ZNF619: variants seen among roughly 807,000 people sequenced by gnomAD.
ZNF619 encodes zinc finger protein 619.
A neutral mutation model predicts 14.2 loss-of-function variants in ZNF619; 9 were observed. The ratio of observed to expected loss-of-function variants is 0.64; its 90% CI spans 0.38 to 1.11. The LOEUF (loss-of-function observed/expected upper bound fraction) is 1.11, where lower values mean the gene tolerates loss of function less well. Ranked by LOEUF, ZNF619 falls within the 50% of genes least tolerant of loss-of-function variation. The probability of loss-of-function intolerance (pLI) is 0.01; values close to 1 mark genes in which losing one functional copy is unlikely to be tolerated. For synonymous variants in ZNF619, 246 were observed against 252.8 expected (o/e 0.97, Z 0.26); for missense variants, 659 against 680.1 (o/e 0.97, Z 0.34).
intron 2 of ZNF619, among the ~76,000 whole-genome samples, chr3:40,481,442 CT>C (rs774950627): frequency 2.6e-5 from 4 of 152,114 alleles, no homozygotes; most frequent in Non-Finnish European, 5.9e-5. Context: ...GAACTTTATC[CT>C]CATGAAATCA....
At chr3:40,486,372 G>T (rs1480088112) in intron 4 of ZNF619, among the ~76,000 whole-genome samples, 1 of 152,166 alleles carries the variant, frequency 6.6e-6, no homozygotes, top group African/African-American at 2.4e-5. Context: ...GGTACCATCA[G>T]ATGGCTGTGT....
rs1697771564 is a variant in ZNF619, at chr3:40,490,407, T to C, written c.*2166T>C. On this transcript the variant is annotated 3_prime_UTR_variant, in exon 5 of 5. Coordinates refer to ENST00000432264, the MANE Select transcript of ZNF619 (RefSeq NM_001145093.4). Reference sequence around the variant, plus strand: ...CTGGAAGATCAGGTCAGACAAAGCCTGTATTATCTAATGGAGCATTAAGGG... The same window carrying C: ...CTGGAAGATCAGGTCAGACAAAGCCCGTATTATCTAATGGAGCATTAAGGG... Among the ~76,000 whole-genome samples the C allele has an allele frequency of 7.2e-5, 11 of 152,180 alleles. No homozygotes were observed. Among genetic ancestry groups the C allele is most frequent in the Admixed American group, 7.2e-4 (11 of 15,278 alleles).
intron 4 of ZNF619, chr3:40,483,780 C>T: frequency 2.9e-6 from 1 of 350,278 alleles, no homozygotes; most frequent in South Asian, 2.1e-5. Flanking sequence ...AGGCATGTGT[C>T]ACCACACCCA....
At position 40,482,796 on chromosome 3, in the gene ZNF619, G is replaced by T. The variant is rs1348788292; in HGVS notation, c.295+92G>T. The stretch of plus-strand genomic sequence containing the variant: ...TGAAAAAGGTTTTTCCTTGTCATAT[G>T]ATGGTTGTGGGGATTAAAATAGTCA... On this transcript the variant is annotated intron_variant, in intron 4 of 4. Coordinates refer to ENST00000432264, the MANE Select transcript of ZNF619 (RefSeq NM_001145093.4). 3.2e-6 allele frequency: 3 copies of T among 942,778 alleles called. No individual in the cohort carries two copies. In the African/African-American group the frequency reaches 4.9e-5, roughly 16 times the overall value. The allele number at this position is 942,778 out of a possible 1,614,324, so 58.4% of individuals were successfully genotyped here.
intron 2 of ZNF619, 100 bp downstream of exon 2, chr3:40,478,103 C>A: frequency 8.8e-7 from 1 of 1,134,682 alleles, no homozygotes; most frequent in Non-Finnish European, 1.3e-6. Flanking sequence ...CTTAGTTTTA[C>A]ATCCTTCAAT....
At chr3:40,485,375 C>T (rs1697546882) in intron 4 of ZNF619, among the ~76,000 whole-genome samples, 1 of 150,712 alleles carries the variant, frequency 6.6e-6, no homozygotes, top group African/African-American at 2.5e-5. Flanking sequence ...AATGTTGGCT[C>T]ACTGCAATCT....
At chr3:40,481,374 A>G (rs1457793311) in intron 2 of ZNF619, among the ~76,000 whole-genome samples, 2 of 152,216 alleles carry the variant, frequency 1.3e-5, no homozygotes, top group Non-Finnish European at 2.9e-5. Flanking sequence ...AGGGAGAACT[A>G]TTAATAGCTT....
intron 3 of ZNF619, chr3:40,482,337 C>T (rs1208976650): frequency 5.1e-6 from 8 of 1,554,576 alleles, no homozygotes; most frequent in Non-Finnish European, 4.4e-6. Context: ...GATCTTGGCC[C>T]TATTGCCTAT....
At position 40,487,510 on chromosome 3, in the gene ZNF619, C is replaced by A. The variant is rs780818740; in HGVS notation, c.1000C>A (p.His334Asn). 1 of 1,614,142 alleles carries A rather than the reference C, an allele frequency of 6.2e-7. No homozygotes were observed. Among genetic ancestry groups the A allele is most frequent in the Non-Finnish European group, 8.5e-7 (1 of 1,180,006 alleles). ...AFSCSYDCIIHERIHNGEKPY... is the reference protein window; with the variant it reads ...AFSCSYDCIINERIHNGEKPY... ...CAGTTGTAGCTATGACTGCATCATC[C>A]ATGAACGAATTCACAATGGGGAGAA... The change falls in exon 5 of 5, where the codon CAT (histidine) becomes AAT (asparagine). Residue 334 changes from histidine (H) to asparagine (N), a missense_variant. His to Asn is a moderately conservative substitution (Grantham distance 68). Coordinates refer to ENST00000432264, the MANE Select transcript of ZNF619 (RefSeq NM_001145093.4).
At chr3:40,478,347 C>T (rs1575260697) in intron 2 of ZNF619, among the ~76,000 whole-genome samples, 2 of 152,116 alleles carry the variant, frequency 1.3e-5, no homozygotes, top group African/African-American at 2.4e-5. Context: ...TACATTTTTA[C>T]AAGATCTGGA....
In ZNF619 at chr3:40,488,003, G is replaced by C; in HGVS notation, c.1493G>C (p.Cys498Ser). 1 of 1,614,110 alleles carries C rather than the reference G, an allele frequency of 6.2e-7. No homozygotes were observed. The change falls in exon 5 of 5, where the codon TGC (cysteine) becomes TCC (serine). Residue 498 changes from cysteine (C) to serine (S), a missense_variant. Physicochemically the swap from Cys to Ser is moderately radical, Grantham distance 112 (BLOSUM62 -1). Transcript: ENST00000432264. ...GLSAVKPYCP[C>S]AILSPLPPQH... ...TCCGCAGTTAAGCCCTACTGTCCCT[G>C]CGCCATCCTCTCTCCTCTGCCTCCC...
chr3:40,486,980 T>C lies in ZNF619; in HGVS notation c.470T>C (p.Ile157Thr). The C allele has an allele frequency of 2.5e-6, 4 of 1,614,044 alleles. No homozygotes were observed. Among genetic ancestry groups the C allele is most frequent in the Non-Finnish European group, 3.4e-6 (4 of 1,180,008 alleles). Residue 157 changes from isoleucine to threonine, a missense_variant, in exon 5 of 5, where the codon ATA becomes ACA. Transcript: ENST00000432264. ...CATGATACAGGGAATAAAACAAAGATAGGGGATTGCACAGATTTGACAGTC... is the reference window on the plus strand; with the variant it reads ...CATGATACAGGGAATAAAACAAAGACAGGGGATTGCACAGATTTGACAGTC... ...QLHDTGNKTK[I>T]GDCTDLTVQD...
chr3:40,482,565 T>C (rs1697441066), intron 3 of ZNF619, 23 bp from the exon 4 acceptor site: 1 of 1,609,790 alleles, frequency 6.2e-7, no homozygotes, highest in Non-Finnish European at 8.5e-7. Context: ...CTCAGCTTCA[T>C]GTTCCTTTTC....
At chr3:40,483,747 A>C in intron 4 of ZNF619, 2 of 372,460 alleles carry the variant, frequency 5.4e-6, no homozygotes, top group South Asian at 1.9e-5. Context: ...TCCTGCCTCA[A>C]CCTCCCAAGT....
In ZNF619 at chr3:40,482,606, A is replaced by G. The variant is rs975719982; in HGVS notation, c.197A>G (p.Lys66Arg). The change falls in exon 4 of 5, where the codon AAA becomes AGA. Residue 66 changes from lysine (K) to arginine (R), a missense_variant. Physicochemically the swap from Lys to Arg is conservative, Grantham distance 26. Transcript: ENST00000432264. Reference protein sequence around the residue: ...VTSLSAFPFPKPDLIFQLEQG... With the variant: ...VTSLSAFPFPRPDLIFQLEQG... ...CCTGTAGCAGCATTTCCATTCCCCA[A>G]ACCAGATCTGATATTCCAGCTGGAG... 2.5e-6 allele frequency: 4 copies of G among 1,613,852 alleles called. No individual in the cohort carries two copies. The highest frequency in any genetic ancestry group is 1.3e-5 in the African/African-American group (1 of 74,852).
rs773252909 is a variant in ZNF619 at position 40,487,574 on chromosome 3, C to T, written c.1064C>T (p.Ser355Phe). The T allele has an allele frequency of 5.6e-6, 9 of 1,612,464 alleles. No homozygotes were observed. Among genetic ancestry groups the T allele is most frequent in the Non-Finnish European group, 6.8e-6 (8 of 1,179,608 alleles). Reference protein sequence around the residue: ...ECKECGKSLSSNSVLIQHQRI... With the variant: ...ECKECGKSLSFNSVLIQHQRI... ...AAGGAGTGTGGGAAGAGTTTGAGTT[C>T]TAATTCAGTTCTGATTCAGCATCAG... The change falls in exon 5 of 5, where the codon TCT becomes TTT. Residue 355 changes from serine to phenylalanine, a missense_variant. Coordinates refer to ENST00000432264, the MANE Select transcript of ZNF619 (RefSeq NM_001145093.4).
intron 2 of ZNF619, among the ~76,000 whole-genome samples, chr3:40,480,482 A>G (rs4571217): frequency 0.27 from 40,036 of 150,264 alleles, 5,884 homozygotes; most frequent in East Asian, 0.47. Context: ...AATCTTTACA[A>G]TGATGACTGC....
At chr3:40,482,403 C>T in intron 3 of ZNF619, 185 bp from the exon 4 acceptor site, 3 of 1,596,256 alleles carry the variant, frequency 1.9e-6, no homozygotes, top group Non-Finnish European at 2.6e-6. Flanking sequence ...TGGGAGCATT[C>T]TGTCCTCTTA....
chr3:40,485,329 T>C (rs2125641360), intron 4 of ZNF619, among the ~76,000 whole-genome samples: 1 of 144,256 alleles, frequency 6.9e-6, no homozygotes, highest in East Asian at 2.1e-4. Context: ...GGAAACAGAG[T>C]CTTGGTCTAT....
Sources: allele counts gnomAD v4.1 joint callset (sites outside exome capture counted in the v4.1 genomes callset), GRCh38; gene constraint gnomAD v4.1.1; transcripts MANE v1.5; gene names NCBI Gene and HGNC (gene_info 2026-07-23, HGNC 2026-07-21).